YEATS2: variants seen among roughly 807,000 people sequenced by gnomAD.
YEATS2 encodes the protein YEATS domain containing 2.
In YEATS2, 77 loss-of-function variants were observed where a neutral mutation model predicts 163.2. The ratio of observed to expected loss-of-function variants is 0.47; its 90% CI spans 0.39 to 0.57. YEATS2 has a LOEUF of 0.57. YEATS2 is among the 20% of genes least tolerant of loss of function. The pLI is 0.00. For missense variants in YEATS2, 1,549 were observed against 1,729.8 expected (o/e 0.90, Z 1.85); for synonymous variants, 631 against 645.1 (o/e 0.98, Z 0.33).
chr3:183,736,212 T>A (rs538041598), intron 7 of YEATS2, among the ~76,000 whole-genome samples: 1 of 152,328 alleles, frequency 6.6e-6, no homozygotes, highest in South Asian at 2.1e-4. Context: ...ATAGTCACTA[T>A]TCAGGGAAGG....
Position 183,747,860 on chromosome 3 carries a change from A to T in YEATS2, c.969+144A>T, listed in dbSNP as rs541744864. The T allele has an allele frequency of 6.9e-6, 4 of 575,694 alleles. No individual in the cohort carries two copies. The East Asian group carries it at 1.2e-4, about 17-fold the overall frequency. The allele number at this position is 575,694 out of a possible 1,614,324, so 35.7% of individuals were successfully genotyped here. The stretch of plus-strand genomic sequence containing the variant: ...AGTGGCATGATCTCGGCTCACTGCA[A>T]CCTCTTCCTCCCAGGATCAAGTGAT... On this transcript the variant is annotated intron_variant, in intron 9 of 30. Coordinates refer to ENST00000305135, the MANE Select transcript of YEATS2 (RefSeq NM_018023.5).
chr3:183,776,811 G>T (rs1288816896), intron 18 of YEATS2, among the ~76,000 whole-genome samples: 1 of 152,076 alleles, frequency 6.6e-6, no homozygotes, highest in Non-Finnish European at 1.5e-5. Context: ...AATCAGTCGG[G>T]TGTGGTGGTG....
intron 19 of YEATS2, among the ~76,000 whole-genome samples, chr3:183,780,322 C>T (rs1277195073): frequency 6.6e-6 from 1 of 152,252 alleles, no homozygotes; most frequent in Non-Finnish European, 1.5e-5. Flanking sequence ...GTACCCAACA[C>T]ATCACCCTTC....
intron 2 of YEATS2, among the ~76,000 whole-genome samples, chr3:183,716,052 C>T (rs1183203944): frequency 1.3e-5 from 2 of 151,990 alleles, no homozygotes; most frequent in African/African-American, 4.8e-5. Flanking sequence ...CTCTGCTTCC[C>T]CGGTTCGCGC....
intron 8 of YEATS2, among the ~76,000 whole-genome samples, chr3:183,742,166 A>G (rs1190028097): frequency 6.6e-6 from 1 of 152,162 alleles, no homozygotes; most frequent in Non-Finnish European, 1.5e-5. Context: ...GTGAGCCACG[A>G]TCAAGCCACT....
At chr3:183,721,274 T>C (rs1716461805) in intron 4 of YEATS2, among the ~76,000 whole-genome samples, 1 of 152,194 alleles carries the variant, frequency 6.6e-6, no homozygotes, top group Admixed American at 6.5e-5. Flanking sequence ...TTTTTCTCTC[T>C]AGAACCATTA....
chr3:183,709,144 AAGTG>A (rs1218723482), intron 1 of YEATS2, among the ~76,000 whole-genome samples: 1 of 151,716 alleles, frequency 6.6e-6, no homozygotes, highest in Non-Finnish European at 1.5e-5. Context: ...TGGGCGACAA[AAGTG>A]AGACTCTGTC....
chr3:183,740,929 CTTTA>C (rs1156369236), intron 8 of YEATS2, among the ~76,000 whole-genome samples: 2 of 152,078 alleles, frequency 1.3e-5, no homozygotes, highest in South Asian at 2.1e-4. Flanking sequence ...GGGCTGGTGA[CTTTA>C]TTTATTTTTA....
chr3:183,709,854 T>A (rs914203499), intron 1 of YEATS2, among the ~76,000 whole-genome samples: 1 of 150,670 alleles, frequency 6.6e-6, no homozygotes, highest in African/African-American at 2.4e-5. Context: ...ATTTTTTGTA[T>A]TTTTTTTAGT....
chr3:183,773,776 C>T lies in YEATS2; in HGVS notation c.2350C>T (p.Arg784Ter), dbSNP rs1293977175. Reference protein sequence around the residue: ...LLLIPQGAILRATNNANLQSG... With the variant: ...LLLIPQGAIL ...GCTGATCCCTCAAGGAGCCATCCTG[C>T]GAGCTACGAACAATGCTAGTTAGTG... The change falls in exon 17 of 31, where the codon CGA becomes TGA. Residue 784 changes from arginine (R) to a stop codon, truncating the protein, a stop_gained. Coordinates refer to ENST00000305135, the MANE Select transcript of YEATS2 (RefSeq NM_018023.5). LOFTEE classifies it high-confidence loss of function. 3.1e-6 allele frequency: 5 copies of T among 1,608,394 alleles called. No homozygotes were observed. The highest frequency in any genetic ancestry group is 2.2e-5 in the East Asian group (1 of 44,678).
At chr3:183,799,078 T>TGCGG in intron 23 of YEATS2, 89 bp downstream of exon 23, 2 of 963,796 alleles carry the variant, frequency 2.1e-6, no homozygotes, top group Non-Finnish European at 3.3e-6. Flanking sequence ...AGAAGCTTTA[T>TGCGG]GCGGGACATT....
chr3:183,718,744 G>C (rs1716174697), intron 4 of YEATS2, 152 bp downstream of exon 4: 1 of 656,948 alleles, frequency 1.5e-6, no homozygotes, highest in African/African-American at 1.9e-5. Context: ...TGTCACCCAG[G>C]CTGGAGTGCA....
intron 1 of YEATS2, among the ~76,000 whole-genome samples, chr3:183,701,512 A>T (rs774733725): frequency 1.8e-4 from 27 of 151,892 alleles, no homozygotes; most frequent in Non-Finnish European, 3.7e-4. Context: ...TCAGCCTACC[A>T]AGTAGGTGGG....
intron 1 of YEATS2, among the ~76,000 whole-genome samples, chr3:183,705,964 G>A (rs999640729): frequency 1.3e-5 from 2 of 151,912 alleles, no homozygotes; most frequent in Non-Finnish European, 2.9e-5. Flanking sequence ...GGCCTGACCC[G>A]GGAGGCGGAG....
intron 25 of YEATS2, chr3:183,801,913 G>A (rs1725699043): frequency 6.4e-6 from 1 of 156,828 alleles, no homozygotes; most frequent in South Asian, 1.9e-4. Flanking sequence ...CCTCCTGTGT[G>A]ATAGCTGGTG....
At chr3:183,807,938 A>G (rs1264139232) in intron 28 of YEATS2, 92 bp from the exon 29 acceptor site, 3 of 1,048,858 alleles carry the variant, frequency 2.9e-6, no homozygotes, top group Non-Finnish European at 4.3e-6. Context: ...CCAACCAGGC[A>G]TCGCTTTGCA....
intron 2 of YEATS2, among the ~76,000 whole-genome samples, chr3:183,715,955 T>TTTTA (rs531355769): frequency 1.6e-3 from 251 of 152,166 alleles, no homozygotes; most frequent in Non-Finnish European, 1.7e-3. Context: ...AACTTTACTT[T>TTTTA]TTTATTTATT....
chr3:183,716,672 A>G (rs540373077), intron 2 of YEATS2, among the ~76,000 whole-genome samples: 1 of 152,328 alleles, frequency 6.6e-6, no homozygotes, highest in African/African-American at 2.4e-5. Context: ...AAACAAGAAC[A>G]GGGAAAAGTG....
At chr3:183,753,470 G>T (rs1279700987) in intron 10 of YEATS2, among the ~76,000 whole-genome samples, 1 of 152,132 alleles carries the variant, frequency 6.6e-6, no homozygotes, top group African/African-American at 2.4e-5. Flanking sequence ...AGAGGGGCCG[G>T]GCACGGTGGC....
Sources: allele counts gnomAD v4.1 joint callset (sites outside exome capture counted in the v4.1 genomes callset), GRCh38; gene constraint gnomAD v4.1.1; transcripts MANE v1.5; gene names NCBI Gene and HGNC (gene_info 2026-07-23, HGNC 2026-07-21).